PPP1R9A: variants seen among roughly 807,000 people sequenced by gnomAD.
The protein encoded by PPP1R9A is protein phosphatase 1 regulatory subunit 9A, also known as neurabin-1.
A neutral mutation model predicts 141.9 loss-of-function variants in PPP1R9A; 59 were observed. The ratio of observed to expected loss-of-function variants is 0.42; its 90% CI spans 0.34 to 0.52. PPP1R9A has a LOEUF of 0.52. Among genes scored for constraint, PPP1R9A ranks in the 20% least tolerant of loss-of-function variants. The probability of loss-of-function intolerance (pLI) is 0.10; values close to 1 mark genes in which losing one functional copy is unlikely to be tolerated. For synonymous variants in PPP1R9A, 500 were observed against 569.7 expected, an observed-to-expected ratio of 0.88 and a Z score of 1.74; for missense variants, 1,444 against 1,611.9, an observed-to-expected ratio of 0.90 and a Z score of 1.78.
At chr7:94,933,982 GT>G (rs1794468525) in intron 2 of PPP1R9A, among the ~76,000 whole-genome samples, 1 of 152,152 alleles carries the variant, frequency 6.6e-6, no homozygotes. Flanking sequence ...AAAGACGTAT[GT>G]TCTCAATTTG....
intron 4 of PPP1R9A, among the ~76,000 whole-genome samples, chr7:95,135,108 T>C (rs566832969): frequency 3.9e-5 from 6 of 152,324 alleles, no homozygotes; most frequent in African/African-American, 1.4e-4. Flanking sequence ...AGCACACTTA[T>C]AGTGTTTTTT....
chr7:94,909,243 T>C, intron 1 of PPP1R9A, among the ~76,000 whole-genome samples: 1 of 152,230 alleles, frequency 6.6e-6, no homozygotes, highest in Non-Finnish European at 1.5e-5. Context: ...TAATTAATAA[T>C]AACCACTGTT....
chr7:95,161,227 G>A lies in PPP1R9A; in HGVS notation c.1650-640G>A, dbSNP rs78990389. On this transcript the variant is annotated intron_variant, in intron 4 of 19. Transcript: ENST00000433360. ...TTTAGTAATAGCCATTCTGACTGGT[G>A]TGAGATGGTAACTCACTGCGGTTTT... 8.2e-3 allele frequency among the ~76,000 whole-genome samples: 1,240 copies of A among 151,990 alleles called. 23 individuals are homozygous for A. The highest frequency in any genetic ancestry group is 0.029 in the African/African-American group (1,197 of 41,434).
At chr7:95,196,902 G>A (rs1310986825) in intron 5 of PPP1R9A, among the ~76,000 whole-genome samples, 1 of 152,026 alleles carries the variant, frequency 6.6e-6, no homozygotes, top group Non-Finnish European at 1.5e-5. Context: ...TTTATTGTGT[G>A]TAAATTGTAC....
chr7:95,055,995 T>A (rs185592753), intron 2 of PPP1R9A, among the ~76,000 whole-genome samples: 1 of 152,182 alleles, frequency 6.6e-6, no homozygotes, highest in Middle Eastern at 3.2e-3. Flanking sequence ...CTAACTTGTA[T>A]TGTTATTTAA....
chr7:94,923,125 G>A (rs1281020230), intron 2 of PPP1R9A, among the ~76,000 whole-genome samples: 2 of 152,116 alleles, frequency 1.3e-5, no homozygotes, highest in Non-Finnish European at 2.9e-5. Context: ...CCACATTTGT[G>A]GCTAACCTTG....
chr7:95,237,039 G>A (rs1796780114), intron 8 of PPP1R9A, among the ~76,000 whole-genome samples: 1 of 151,278 alleles, frequency 6.6e-6, no homozygotes, highest in Admixed American at 6.6e-5. Flanking sequence ...TAGCTATTGT[G>A]TAGAATTTTT....
intron 2 of PPP1R9A, among the ~76,000 whole-genome samples, chr7:95,063,815 G>A (rs532015190): frequency 1.9e-4 from 29 of 152,154 alleles, no homozygotes; most frequent in Non-Finnish European, 4.1e-4. Flanking sequence ...AGTCTGAGAC[G>A]TATTCATAAT....
intron 2 of PPP1R9A, among the ~76,000 whole-genome samples, chr7:94,986,325 T>C (rs908334166): frequency 7.2e-5 from 11 of 152,178 alleles, no homozygotes; most frequent in African/African-American, 2.4e-4. Context: ...CATTCAGAAA[T>C]AGATTCATGC....
intron 4 of PPP1R9A, among the ~76,000 whole-genome samples, chr7:95,133,209 C>T (rs866104383): frequency 6.6e-5 from 10 of 152,008 alleles, no homozygotes; most frequent in African/African-American, 2.2e-4. Flanking sequence ...GGAAAAAGCA[C>T]CATTCAATTG....
At chr7:95,096,993 C>T (rs1004774767) in intron 2 of PPP1R9A, among the ~76,000 whole-genome samples, 2 of 152,118 alleles carry the variant, frequency 1.3e-5, no homozygotes, top group Admixed American at 6.6e-5. Flanking sequence ...CCCTTTATTA[C>T]GGCCCTTATG....
At chr7:95,183,403 G>A (rs1834144629) in intron 5 of PPP1R9A, among the ~76,000 whole-genome samples, 1 of 148,850 alleles carries the variant, frequency 6.7e-6, no homozygotes, top group African/African-American at 2.5e-5. Flanking sequence ...GCCTCCCAAA[G>A]TGCTGGGATT....
In PPP1R9A at chr7:95,290,380, A is replaced by G. The variant is rs556031811; in HGVS notation, c.*77A>G. 1.2e-3 allele frequency: 1,776 copies of G among 1,434,348 alleles called. 3 individuals are homozygous for G. The highest frequency in any genetic ancestry group is 1.5e-3 in the Non-Finnish European group (1,593 of 1,068,948). The allele number at this position is 1,434,348 out of a possible 1,614,324, so 88.9% of individuals were successfully genotyped here. A position where few individuals can be genotyped will look rare whatever the true frequency, so the allele number is the denominator to read the frequency against. ...TTCCTGCCCTGCTCTCCTCCAGAGG[A>G]TGAAAAAGAAACTAAATGATAAGGG... is the stretch of plus-strand genomic sequence containing the variant. On this transcript the variant is annotated 3_prime_UTR_variant, in exon 20 of 20. Coordinates refer to ENST00000433360, the MANE Select transcript of PPP1R9A (RefSeq NM_001166160.2).
chr7:95,171,554 A>AT (rs1832119348), intron 5 of PPP1R9A, among the ~76,000 whole-genome samples: 1 of 151,626 alleles, frequency 6.6e-6, no homozygotes, highest in Non-Finnish European at 1.5e-5. Context: ...CAATATTATG[A>AT]AGAACTTTAT....
chr7:95,151,925 A>G (rs1237029799), intron 4 of PPP1R9A, among the ~76,000 whole-genome samples: 3 of 146,836 alleles, frequency 2.0e-5, no homozygotes, highest in African/African-American at 7.5e-5. Context: ...TAATGTCAGC[A>G]CATAGTACTG....
At chr7:95,124,739 T>A (rs1823254632) in intron 4 of PPP1R9A, among the ~76,000 whole-genome samples, 1 of 152,196 alleles carries the variant, frequency 6.6e-6, no homozygotes, top group African/African-American at 2.4e-5. Flanking sequence ...TAAGAAAATT[T>A]ATTTCAATTT....
intron 7 of PPP1R9A, among the ~76,000 whole-genome samples, chr7:95,209,267 C>T (rs1791573085): frequency 6.6e-6 from 1 of 152,126 alleles, no homozygotes; most frequent in Non-Finnish European, 1.5e-5. Flanking sequence ...ATAGTTCCTG[C>T]TCTCTGAGGA....
intron 9 of PPP1R9A, among the ~76,000 whole-genome samples, chr7:95,248,903 G>T (rs1025827070): frequency 2.0e-5 from 3 of 152,096 alleles, no homozygotes; most frequent in African/African-American, 7.2e-5. Flanking sequence ...ATAGATGTGT[G>T]TGTATATAAA....
intron 14 of PPP1R9A, among the ~76,000 whole-genome samples, chr7:95,272,913 A>G (rs1802433993): frequency 6.6e-6 from 1 of 152,228 alleles, no homozygotes; most frequent in Admixed American, 6.5e-5. Context: ...GGGGAGGAAG[A>G]GTTTCACACA....
Sources: allele counts gnomAD v4.1 joint callset (sites outside exome capture counted in the v4.1 genomes callset), GRCh38; gene constraint gnomAD v4.1.1; transcripts MANE v1.5; gene names NCBI Gene and HGNC (gene_info 2026-07-23, HGNC 2026-07-21).